Variants in SYN2 observed in about 807,000 individuals in gnomAD.
SYN2 encodes the protein synapsin-2.
SYN2 carries 19 observed loss-of-function variants against 50.9 expected under a neutral mutation model. That is an observed-to-expected ratio of 0.37 (90% CI 0.26 to 0.55). The LOEUF (loss-of-function observed/expected upper bound fraction) is 0.55. Ranked by LOEUF, SYN2 falls within the 20% of genes least tolerant of loss-of-function variation. The pLI is 0.81. For synonymous variants in SYN2, 255 were observed against 224.9 expected (o/e 1.13, Z -1.20); for missense variants, 587 against 576.4 (o/e 1.02, Z -0.19).
intron 1 of SYN2, among the ~76,000 whole-genome samples, chr3:12,098,165 T>G (rs1023729791): frequency 2.0e-5 from 3 of 152,168 alleles, no homozygotes; most frequent in Non-Finnish European, 4.4e-5. Flanking sequence ...AGAAGAGATC[T>G]TAAAAAGATT....
intron 1 of SYN2, among the ~76,000 whole-genome samples, chr3:12,028,199 A>G (rs1167533179): frequency 6.6e-6 from 1 of 151,844 alleles, no homozygotes; most frequent in Non-Finnish European, 1.5e-5. Context: ...TACAAAGGAC[A>G]TGAACTCATC....
chr3:12,127,714 G>A (rs1195184195), intron 1 of SYN2, among the ~76,000 whole-genome samples: 7 of 152,292 alleles, frequency 4.6e-5, no homozygotes, highest in South Asian at 2.1e-4. Flanking sequence ...TTTCTGCTGC[G>A]CCATGGTGGT....
intron 10 of SYN2, among the ~76,000 whole-genome samples, chr3:12,178,599 T>G (rs1698144113): frequency 6.6e-6 from 1 of 152,210 alleles, no homozygotes. Flanking sequence ...CAGACCAGAA[T>G]TCCCTGCACA....
At chr3:12,145,189 C>T (rs1697119310) in intron 3 of SYN2, among the ~76,000 whole-genome samples, 1 of 152,136 alleles carries the variant, frequency 6.6e-6, no homozygotes, top group African/African-American at 2.4e-5. Flanking sequence ...ATCACTTGAG[C>T]CTAGGAGTTT....
intron 11 of SYN2, chr3:12,185,609 C>G (rs1472194623): frequency 2.0e-6 from 2 of 985,736 alleles, no homozygotes; most frequent in African/African-American, 3.5e-5. Flanking sequence ...ACGTTGTCCC[C>G]TTTTTTTGTA....
chr3:12,171,635 G>A (rs929982278), intron 10 of SYN2, among the ~76,000 whole-genome samples: 1 of 152,170 alleles, frequency 6.6e-6, no homozygotes, highest in South Asian at 2.1e-4. Context: ...TAAAGTAAAG[G>A]CCGTGCTAAG....
chr3:12,117,594 C>T (rs921997936), intron 1 of SYN2, among the ~76,000 whole-genome samples: 5 of 152,328 alleles, frequency 3.3e-5, no homozygotes, highest in Admixed American at 1.3e-4. Context: ...TCCCAACTCA[C>T]CCTCCCAAAT....
chr3:12,041,960 C>T (rs1440491662), intron 1 of SYN2, among the ~76,000 whole-genome samples: 1 of 152,208 alleles, frequency 6.6e-6, no homozygotes, highest in Admixed American at 6.5e-5. Flanking sequence ...TCTAAGACAG[C>T]TCATTTCTTC....
intron 1 of SYN2, among the ~76,000 whole-genome samples, chr3:12,115,771 T>C (rs1273555713): frequency 1.3e-5 from 2 of 152,116 alleles, no homozygotes; most frequent in African/African-American, 2.4e-5. Context: ...AGAATATAAC[T>C]ATATTTTCCC....
chr3:12,159,094 T>A (rs1352949770), intron 5 of SYN2: 1 of 485,734 alleles, frequency 2.1e-6, no homozygotes, highest in Non-Finnish European at 3.5e-6. Flanking sequence ...TCTGTTTCCC[T>A]GCCTAAGTCA....
At chr3:12,008,712 G>A (rs904942412) in intron 1 of SYN2, among the ~76,000 whole-genome samples, 3 of 152,216 alleles carry the variant, frequency 2.0e-5, no homozygotes, top group Non-Finnish European at 4.4e-5. Context: ...TTACATAGCA[G>A]TGTAATACTG....
chr3:12,112,690 A>C (rs574432327), intron 1 of SYN2, among the ~76,000 whole-genome samples: 1 of 152,312 alleles, frequency 6.6e-6, no homozygotes, highest in African/African-American at 2.4e-5. Flanking sequence ...GAAAGTATTC[A>C]ACCAAGGTCA....
At chr3:12,006,705 T>G (rs6804352) in intron 1 of SYN2, among the ~76,000 whole-genome samples, 7,597 of 152,252 alleles carry the variant, frequency 0.05, 641 homozygotes, top group African/African-American at 0.17. Context: ...AAGCTCCCTC[T>G]AGGCAGTGTG....
chr3:12,005,075 A>AGC (rs1240776816), intron 1 of SYN2, 147 bp downstream of exon 1: 6 of 383,070 alleles, frequency 1.6e-5, no homozygotes, highest in Non-Finnish European at 2.8e-5. Context: ...GTGCGGGCTG[A>AGC]GCGCGCGCGC....
intron 1 of SYN2, among the ~76,000 whole-genome samples, chr3:12,078,957 G>A (rs1695529311): frequency 6.6e-6 from 1 of 152,112 alleles, no homozygotes. Context: ...TTTTCCATTT[G>A]TTTGTGTCCT....
intron 1 of SYN2, among the ~76,000 whole-genome samples, chr3:12,011,135 G>A (rs1423623201): frequency 6.6e-6 from 1 of 152,192 alleles, no homozygotes; most frequent in South Asian, 2.1e-4. Flanking sequence ...TGGTGGATAT[G>A]ATCCTGAAAA....
chr3:12,007,158 A>G (rs1470763411), intron 1 of SYN2, among the ~76,000 whole-genome samples: 1 of 152,212 alleles, frequency 6.6e-6, no homozygotes, highest in Non-Finnish European at 1.5e-5. Context: ...TAGGAAGCCT[A>G]TTTGGCATAA....
chr3:12,151,323 G>T lies in SYN2; in HGVS notation c.771G>T (p.Glu257Asp), dbSNP rs775484990. The T allele has an allele frequency of 2.5e-6, 4 of 1,612,184 alleles. No individual in the cohort carries two copies. Among genetic ancestry groups the T allele is most frequent in the Middle Eastern group, 1.7e-4 (1 of 6,060 alleles). ...IEQTYYPNHK[E>D]MLTLPTFPVV... is the part of the protein sequence containing the mutation. ...AGACATACTACCCCAACCACAAAGA[G>T]ATGGTAAGTGGCTCAGTGGGGACAT... The change falls in exon 5 of 13, where the codon GAG becomes GAT. Residue 257 changes from glutamate (E) to aspartate (D), a missense_variant. Transcript: ENST00000621198.
At chr3:12,014,491 T>G (rs1241085450) in intron 1 of SYN2, among the ~76,000 whole-genome samples, 2 of 152,226 alleles carry the variant, frequency 1.3e-5, no homozygotes, top group Non-Finnish European at 2.9e-5. Context: ...TAGCTCTGAA[T>G]GAGAGAGCCA....
Sources: gnomAD v4.1 joint callset for allele counts (sites outside exome capture counted in the v4.1 genomes callset) on GRCh38, gnomAD v4.1.1 for gene constraint, MANE v1.5 for transcripts, NCBI Gene and HGNC (gene_info 2026-07-23, HGNC 2026-07-21) for gene names.